MACC1: variants seen among roughly 807,000 people sequenced by gnomAD.
The protein encoded by MACC1 is MET transcriptional regulator MACC1, also known as metastasis-associated in colon cancer protein 1.
Under a neutral mutation model 70.7 loss-of-function variants are expected in MACC1, and 79 were observed. That is an observed-to-expected ratio of 1.12 (90% CI 0.93 to 1.35). The LOEUF is 1.35. Ranked by LOEUF, MACC1 falls within the 40% of genes most tolerant of loss-of-function variation. MACC1 has a pLI of 0.00. For synonymous variants in MACC1, 361 were observed against 347.2 expected, an observed-to-expected ratio of 1.04 and a Z score of -0.44; for missense variants, 1,106 against 978.1, an observed-to-expected ratio of 1.13 and a Z score of -1.74.
Position 20,146,848 on chromosome 7 carries a change from TA to T in MACC1, c.2347-5691del, listed in dbSNP as rs537845539. Among the ~76,000 whole-genome samples, 32 of 152,348 alleles carry T rather than the reference TA, an allele frequency of 2.1e-4. 1 individual carries two copies. The South Asian group carries it at 6.6e-3, about 32-fold the overall frequency. ...ATTTCTATCACAAATATTTAATACA[TA>T]GGCTGCATTCTTATGCCTCTATTCT... On this transcript the variant is annotated intron_variant, in intron 6 of 6. Transcript: ENST00000400331.
At chr7:20,156,864 T>A (rs1782061822) in intron 5 of MACC1, among the ~76,000 whole-genome samples, 1 of 152,220 alleles carries the variant, frequency 6.6e-6, no homozygotes, top group Admixed American at 6.5e-5. Context: ...AAAACTTTGC[T>A]CCTTTGCATG....
intron 1 of MACC1, among the ~76,000 whole-genome samples, chr7:20,213,451 TC>T (rs1423283311): frequency 1.3e-5 from 2 of 152,292 alleles, no homozygotes; most frequent in East Asian, 3.9e-4. Context: ...ATATGAATCA[TC>T]CTATTATGAA....
intron 1 of MACC1, among the ~76,000 whole-genome samples, chr7:20,207,069 G>T (rs1338567950): frequency 2.6e-5 from 4 of 151,716 alleles, no homozygotes; most frequent in African/African-American, 9.7e-5. Context: ...TTTTCTATTT[G>T]CCCTTTAAAT....
At chr7:20,194,264 T>C (rs1583406972) in intron 1 of MACC1, among the ~76,000 whole-genome samples, 1 of 152,152 alleles carries the variant, frequency 6.6e-6, no homozygotes, top group Admixed American at 6.6e-5. Flanking sequence ...ATAATAAAAT[T>C]TTAAGCAATA....
chr7:20,167,482 C>T (rs1562589225), intron 2 of MACC1, among the ~76,000 whole-genome samples: 1 of 151,886 alleles, frequency 6.6e-6, no homozygotes, highest in Non-Finnish European at 1.5e-5. Context: ...AGGCATGAGC[C>T]ACTATGCCTG....
At chr7:20,178,098 G>C (rs976035656) in intron 1 of MACC1, among the ~76,000 whole-genome samples, 1 of 151,918 alleles carries the variant, frequency 6.6e-6, no homozygotes, top group African/African-American at 2.4e-5. Flanking sequence ...TTTGTAGTAA[G>C]TTTTAAGATC....
intron 1 of MACC1, among the ~76,000 whole-genome samples, chr7:20,181,668 T>A (rs1782509706): frequency 6.6e-6 from 1 of 152,158 alleles, no homozygotes; most frequent in Admixed American, 6.5e-5. Flanking sequence ...CTTTCTCTTA[T>A]ACCACAATTA....
intron 6 of MACC1, among the ~76,000 whole-genome samples, chr7:20,153,021 C>A (rs1782003473): frequency 6.6e-6 from 1 of 152,184 alleles, no homozygotes; most frequent in Admixed American, 6.5e-5. Context: ...TTGTGTACTG[C>A]ACCAAATGCT....
intron 6 of MACC1, among the ~76,000 whole-genome samples, chr7:20,147,185 G>A (rs897600025): frequency 6.6e-6 from 1 of 152,150 alleles, no homozygotes; most frequent in Non-Finnish European, 1.5e-5. Context: ...AACATACATA[G>A]TTTTCCAAAT....
chr7:20,201,156 T>C (rs931916193), intron 1 of MACC1, among the ~76,000 whole-genome samples: 6 of 152,090 alleles, frequency 3.9e-5, no homozygotes, highest in Non-Finnish European at 8.8e-5. Flanking sequence ...TGTGACACAG[T>C]CTGAGGTTTT....
chr7:20,210,759 T>C (rs542118154), intron 1 of MACC1, among the ~76,000 whole-genome samples: 1 of 152,330 alleles, frequency 6.6e-6, no homozygotes, highest in South Asian at 2.1e-4. Context: ...CCCCAGAACC[T>C]CTTAATGGAT....
At chr7:20,200,563 A>G (rs1182074981) in intron 1 of MACC1, among the ~76,000 whole-genome samples, 1 of 152,254 alleles carries the variant, frequency 6.6e-6, no homozygotes, top group Non-Finnish European at 1.5e-5. Flanking sequence ...GGAAACTGCC[A>G]AACTCATCAC....
intron 2 of MACC1, among the ~76,000 whole-genome samples, chr7:20,169,347 A>G (rs1424457432): frequency 1.3e-5 from 2 of 152,148 alleles, no homozygotes; most frequent in Non-Finnish European, 2.9e-5. Context: ...ACCTGCAGTC[A>G]TTTTTCTTTC....
chr7:20,139,132 A>T lies in MACC1; in HGVS notation c.*1814T>A, dbSNP rs1353033137. 1 of 152,178 alleles carries T rather than the reference A, an allele frequency of 6.6e-6. No individual in the cohort carries two copies. Among genetic ancestry groups the T allele is most frequent in the Non-Finnish European group, 1.5e-5 (1 of 68,036 alleles). 9.4% of individuals were successfully genotyped at this position (152,178 alleles called of 1,614,324 possible). A position where few individuals can be genotyped will look rare whatever the true frequency, so the allele number is the denominator to read the frequency against. On this transcript the variant is annotated 3_prime_UTR_variant, in exon 7 of 7. Coordinates refer to ENST00000400331, the MANE Select transcript of MACC1 (RefSeq NM_182762.4). Reference sequence around the variant, plus strand: ...AACAAAATCCTTCTTTGGCTTACCCACATTTCTTTGAGGCTGTGTGTTTTC... The same window carrying T: ...AACAAAATCCTTCTTTGGCTTACCCTCATTTCTTTGAGGCTGTGTGTTTTC...
chr7:20,145,433 A>G (rs945013648), intron 6 of MACC1, among the ~76,000 whole-genome samples: 2 of 152,200 alleles, frequency 1.3e-5, no homozygotes, highest in Admixed American at 1.3e-4. Flanking sequence ...GAGAGACAGA[A>G]CCAGAACAAG....
Position 20,161,866 on chromosome 7 carries a change from T to C in MACC1, c.-4A>G. 2 of 1,585,902 alleles carry C rather than the reference T, an allele frequency of 1.3e-6. No homozygotes were observed. Among genetic ancestry groups the C allele is most frequent in the Non-Finnish European group, 1.7e-6 (2 of 1,154,878 alleles). The stretch of plus-strand genomic sequence containing the variant: ...GTTTTCTTTCAGTGATTAGCATTTT[T>C]CCACCTACAAAGTAAATAGATAAGT... On this transcript the variant is annotated 5_prime_UTR_variant, in exon 4 of 7. Coordinates refer to ENST00000400331, the MANE Select transcript of MACC1 (RefSeq NM_182762.4).
rs1448956949 is a variant in MACC1 at position 20,134,871 on chromosome 7, G to A, written c.*6075C>T. 2 of 152,168 alleles carry A rather than the reference G, an allele frequency of 1.3e-5. No homozygotes were observed. Among genetic ancestry groups the A allele is most frequent in the Non-Finnish European group, 2.9e-5 (2 of 68,034 alleles). 9.4% of individuals were successfully genotyped at this position (152,168 alleles called of 1,614,324 possible). ...AAAAACAATTAACAAGGAAATGATG[G>A]CAGAGGATAAAACGTGATACGTCAA... On this transcript the variant is annotated 3_prime_UTR_variant, in exon 7 of 7. Coordinates refer to ENST00000400331, the MANE Select transcript of MACC1 (RefSeq NM_182762.4).
intron 1 of MACC1, among the ~76,000 whole-genome samples, chr7:20,178,049 C>G (rs141381170): frequency 1.6e-4 from 24 of 152,072 alleles, no homozygotes; most frequent in African/African-American, 5.8e-4. Context: ...TTCAATAGCT[C>G]CTCTTGTTCC....
At chr7:20,175,162 C>T (rs1323617296) in intron 1 of MACC1, among the ~76,000 whole-genome samples, 1 of 151,980 alleles carries the variant, frequency 6.6e-6, no homozygotes, top group Non-Finnish European at 1.5e-5. Flanking sequence ...CTTATATTAG[C>T]TTCTGATTCC....
Sources: allele counts gnomAD v4.1 joint callset (sites outside exome capture counted in the v4.1 genomes callset), GRCh38; gene constraint gnomAD v4.1.1; transcripts MANE v1.5; gene names NCBI Gene and HGNC (gene_info 2026-07-23, HGNC 2026-07-21).